The following ITGBL1 variants were observed in gnomAD, a reference collection of about 807,000 sequenced individuals.
ITGBL1 encodes integrin subunit beta like 1.
Under a neutral mutation model 68.5 loss-of-function variants are expected in ITGBL1, and 51 were observed. That is an observed-to-expected ratio of 0.74 (90% CI 0.59 to 0.94). The LOEUF (loss-of-function observed/expected upper bound fraction) is 0.94. Ranked by LOEUF, ITGBL1 falls within the 40% of genes least tolerant of loss-of-function variation. The probability of loss-of-function intolerance (pLI) is 0.00; values close to 1 mark genes in which losing one functional copy is unlikely to be tolerated. For synonymous variants in ITGBL1, 209 were observed against 227.3 expected (o/e 0.92, Z 0.72); for missense variants, 649 against 647.4 (o/e 1.00, Z -0.03).
At chr13:101,580,845 G>T (rs564421842) in intron 5 of ITGBL1, among the ~76,000 whole-genome samples, 2 of 152,154 alleles carry the variant, frequency 1.3e-5, no homozygotes, top group Non-Finnish European at 2.9e-5. Flanking sequence ...ATGTCCTTCA[G>T]AAACATAAGC....
chr13:101,710,354 G>A (rs1181755212), intron 9 of ITGBL1, among the ~76,000 whole-genome samples: 1 of 152,164 alleles, frequency 6.6e-6, no homozygotes, highest in Non-Finnish European at 1.5e-5. Context: ...GATGACGAAA[G>A]GGGATAAAAC....
At chr13:101,577,247 T>A (rs1009794237) in intron 4 of ITGBL1, among the ~76,000 whole-genome samples, 3 of 152,186 alleles carry the variant, frequency 2.0e-5, no homozygotes, top group African/African-American at 4.8e-5. Flanking sequence ...ATGAAACCAA[T>A]CTGCTGAGAG....
chr13:101,683,239 C>T (rs1202958821), intron 7 of ITGBL1, among the ~76,000 whole-genome samples: 1 of 152,012 alleles, frequency 6.6e-6, no homozygotes, highest in Admixed American at 6.6e-5. Context: ...CATGTAATCA[C>T]CTCTATACCT....
chr13:101,482,687 A>T (rs2139042382), intron 2 of ITGBL1, among the ~76,000 whole-genome samples: 1 of 152,254 alleles, frequency 6.6e-6, no homozygotes, highest in African/African-American at 2.4e-5. Flanking sequence ...TAGGAGGCAG[A>T]TGTTTTTCAA....
intron 7 of ITGBL1, among the ~76,000 whole-genome samples, chr13:101,610,015 G>T (rs538663236): frequency 1.3e-5 from 2 of 152,208 alleles, no homozygotes; most frequent in African/African-American, 4.8e-5. Context: ...AACCAGTATT[G>T]TCAAAATGTA....
At chr13:101,535,790 T>G (rs1295390033) in intron 2 of ITGBL1, among the ~76,000 whole-genome samples, 1 of 152,146 alleles carries the variant, frequency 6.6e-6, no homozygotes, top group Non-Finnish European at 1.5e-5. Context: ...AAAAAAATTT[T>G]TCCTTGCAAA....
At chr13:101,484,438 A>G (rs2048672166) in intron 2 of ITGBL1, among the ~76,000 whole-genome samples, 1 of 152,116 alleles carries the variant, frequency 6.6e-6, no homozygotes, top group Non-Finnish European at 1.5e-5. Context: ...CAACATTGTG[A>G]ATTGACCCAA....
chr13:101,505,024 G>GT (rs1566705640), intron 2 of ITGBL1, among the ~76,000 whole-genome samples: 1 of 152,136 alleles, frequency 6.6e-6, no homozygotes, highest in Non-Finnish European at 1.5e-5. Flanking sequence ...ATACTGAGGC[G>GT]TTTTGGGTGT....
At position 101,452,700 on chromosome 13, in the gene ITGBL1, G is replaced by T. The variant is rs921617483; in HGVS notation, c.-134G>T. ...AATTGCAACTCCGGCTGGAGCCCCG[G>T]ACCTGCAAGCCTGGGTGTCCGTGGG... On this transcript the variant is annotated 5_prime_UTR_variant, in exon 1 of 11. Coordinates refer to ENST00000376180, the MANE Select transcript of ITGBL1 (RefSeq NM_004791.3). 1.4e-6 allele frequency: 1 copy of T among 693,410 alleles called. No individual in the cohort carries two copies. Among genetic ancestry groups the T allele is most frequent in the African/African-American group, 1.8e-5 (1 of 56,594 alleles). The allele number at this position is 693,410 out of a possible 1,614,324, so 43.0% of individuals were successfully genotyped here.
At chr13:101,604,871 T>TAC (rs1334807426) in intron 7 of ITGBL1, among the ~76,000 whole-genome samples, 5 of 23,448 alleles carry the variant, frequency 2.1e-4, no homozygotes, top group East Asian at 2.7e-3. Flanking sequence ...TATATATATA[T>TAC]ATATATATAT....
chr13:101,640,452 C>A (rs1159187058), intron 7 of ITGBL1, among the ~76,000 whole-genome samples: 1 of 152,116 alleles, frequency 6.6e-6, no homozygotes, highest in Admixed American at 6.5e-5. Flanking sequence ...ATCCCATACC[C>A]TTGTATATTC....
rs915076229 is a variant in ITGBL1 at position 101,684,023 on chromosome 13, ACT to A, written c.1016-8557_1016-8556del. Among the ~76,000 whole-genome samples, 12 of 151,600 alleles carry A rather than the reference ACT, an allele frequency of 7.9e-5. 1 individual carries two copies. Among genetic ancestry groups the A allele is most frequent in the African/African-American group, 2.9e-4 (12 of 41,392 alleles). On this transcript the variant is annotated intron_variant, in intron 7 of 10. Coordinates refer to ENST00000376180, the MANE Select transcript of ITGBL1 (RefSeq NM_004791.3). ...CTCTCATTCTGTGGCTCACCTTTTC[ACT>A]CTCTTATTTTCTAATGTACTAGAGC...
intron 7 of ITGBL1, among the ~76,000 whole-genome samples, chr13:101,620,279 CAA>C (rs2031532694): frequency 6.6e-6 from 1 of 152,026 alleles, no homozygotes; most frequent in Non-Finnish European, 1.5e-5. Flanking sequence ...ATCAAAAGTA[CAA>C]AGTTAGTTAA....
At chr13:101,526,359 TG>T (rs2049379143) in intron 2 of ITGBL1, among the ~76,000 whole-genome samples, 1 of 151,966 alleles carries the variant, frequency 6.6e-6, no homozygotes, top group Non-Finnish European at 1.5e-5. Context: ...CCCATGTCCA[TG>T]TATTCTCATT....
intron 2 of ITGBL1, among the ~76,000 whole-genome samples, chr13:101,545,983 T>C (rs903543143): frequency 3.9e-5 from 6 of 152,170 alleles, no homozygotes; most frequent in Middle Eastern, 3.2e-3. Flanking sequence ...CAATGAACTA[T>C]ATCAAGGTGA....
chr13:101,695,767 A>G (rs991117548), intron 8 of ITGBL1, among the ~76,000 whole-genome samples: 2 of 152,218 alleles, frequency 1.3e-5, no homozygotes, highest in South Asian at 4.1e-4. Context: ...TTAAACTCCT[A>G]GCTCTGGTTC....
At chr13:101,583,445 A>G in intron 6 of ITGBL1, 89 bp downstream of exon 6, 1 of 1,107,524 alleles carries the variant, frequency 9.0e-7, no homozygotes, top group Non-Finnish European at 1.3e-6. Context: ...TAGAAAGAAT[A>G]AATAAGACAT....
chr13:101,482,355 A>G (rs1441986154), intron 2 of ITGBL1, among the ~76,000 whole-genome samples: 1 of 151,014 alleles, frequency 6.6e-6, no homozygotes, highest in Non-Finnish European at 1.5e-5. Flanking sequence ...TTTTTACTAT[A>G]TCTGAAGTAA....
At chr13:101,488,855 A>T (rs1223313898) in intron 2 of ITGBL1, among the ~76,000 whole-genome samples, 26 of 152,092 alleles carry the variant, frequency 1.7e-4, no homozygotes, top group Admixed American at 1.7e-3. Flanking sequence ...AGGGAGTTAT[A>T]TTCCTTTTCT....
Sources: gnomAD v4.1 joint callset for allele counts (sites outside exome capture counted in the v4.1 genomes callset) on GRCh38, gnomAD v4.1.1 for gene constraint, MANE v1.5 for transcripts, NCBI Gene and HGNC (gene_info 2026-07-23, HGNC 2026-07-21) for gene names.